DLC1: variants seen among roughly 807,000 people sequenced by gnomAD.
The protein encoded by DLC1 is DLC1 Rho GTPase activating protein.
DLC1 carries 54 observed loss-of-function variants against 140.3 expected under a neutral mutation model. The observed-to-expected ratio is 0.38, with a 90% CI of 0.31 to 0.48. DLC1 has a LOEUF of 0.48. Ranked by LOEUF, DLC1 falls within the 20% of genes least tolerant of loss-of-function variation. DLC1 has a pLI of 0.96. For missense variants in DLC1, 2,536 were observed against 1,907.0 expected, an observed-to-expected ratio of 1.33 and a Z score of -6.14; for synonymous variants, 986 against 728.1, an observed-to-expected ratio of 1.35 and a Z score of -5.70.
At chr8:13,480,036 C>T (rs1048103775) in intron 2 of DLC1, among the ~76,000 whole-genome samples, 3 of 151,932 alleles carry the variant, frequency 2.0e-5, no homozygotes, top group Admixed American at 6.6e-5. Context: ...ACTTGCAGTC[C>T]GACCTGAGTG....
chr8:13,292,642 A>T (rs1478205269), intron 5 of DLC1, among the ~76,000 whole-genome samples: 4 of 152,140 alleles, frequency 2.6e-5, no homozygotes, highest in African/African-American at 9.7e-5. Context: ...TTAAAAAAAA[A>T]CACAGACATG....
chr8:13,107,433 GT>G (rs1450997734), intron 7 of DLC1, among the ~76,000 whole-genome samples: 7 of 152,140 alleles, frequency 4.6e-5, no homozygotes, highest in African/African-American at 2.4e-5. Flanking sequence ...GAGGAGGTAG[GT>G]GGGAAAGATT....
rs1461897724 is a variant in DLC1, at chr8:13,413,255, G to GT, written c.1024-11637_1024-11636insA. ...TTAAAACATTATGAGATTTTTTTGC[G>GT]ATTTTTTTTTTTTTTTTTTTTTAGC... is the stretch of plus-strand genomic sequence containing the variant. On this transcript the variant is annotated intron_variant, in intron 2 of 17. Transcript: ENST00000276297. Among the ~76,000 whole-genome samples, 213 of 30,132 alleles carry GT rather than the reference G, an allele frequency of 7.1e-3. 6 individuals are homozygous for GT. The highest frequency in any genetic ancestry group is 0.047 in the South Asian group (30 of 636). The allele number at this position is 30,132 out of a possible 152,430, so 19.8% of individuals were successfully genotyped here.
At chr8:13,447,865 C>G (rs1798853449) in intron 2 of DLC1, among the ~76,000 whole-genome samples, 1 of 151,976 alleles carries the variant, frequency 6.6e-6, no homozygotes, top group Non-Finnish European at 1.5e-5. Flanking sequence ...AAACTGTTCT[C>G]AAACATAAAA....
intron 4 of DLC1, among the ~76,000 whole-genome samples, chr8:13,356,551 T>C (rs1222487199): frequency 6.6e-6 from 1 of 152,256 alleles, no homozygotes; most frequent in East Asian, 1.9e-4. Context: ...TGGTAATTCC[T>C]TTCTTTCTGT....
intron 5 of DLC1, among the ~76,000 whole-genome samples, chr8:13,280,515 A>T (rs1255680879): frequency 6.6e-6 from 1 of 152,168 alleles, no homozygotes; most frequent in Admixed American, 6.5e-5. Context: ...TTTTCCATAT[A>T]AGAAAATCAT....
chr8:13,428,452 G>A (rs1838701240), intron 2 of DLC1, among the ~76,000 whole-genome samples: 1 of 152,102 alleles, frequency 6.6e-6, no homozygotes, highest in Admixed American at 6.6e-5. Flanking sequence ...GAATCATTAT[G>A]ATATCTGTTA....
intron 4 of DLC1, among the ~76,000 whole-genome samples, chr8:13,371,971 T>C (rs1258510648): frequency 6.6e-6 from 1 of 152,182 alleles, no homozygotes; most frequent in Non-Finnish European, 1.5e-5. Context: ...ATAAAAACTG[T>C]GGCTCTATAA....
intron 4 of DLC1, among the ~76,000 whole-genome samples, chr8:13,322,558 C>A (rs546011631): frequency 2.0e-5 from 3 of 152,196 alleles, no homozygotes; most frequent in African/African-American, 4.8e-5. Flanking sequence ...AGTCCTATAA[C>A]CTTAAGAAGG....
chr8:13,222,479 T>G (rs1020292120), intron 5 of DLC1, among the ~76,000 whole-genome samples: 16 of 152,186 alleles, frequency 1.1e-4, no homozygotes, highest in Admixed American at 9.8e-4. Context: ...GTTTTTTTCT[T>G]TTGATTTTCC....
intron 4 of DLC1, among the ~76,000 whole-genome samples, chr8:13,350,302 AT>A (rs111766759): frequency 0.07 from 10,260 of 145,640 alleles, 442 homozygotes; most frequent in South Asian, 0.16. Context: ...CAGGTTTATC[AT>A]TTTTTTTTTT....
intron 2 of DLC1, among the ~76,000 whole-genome samples, chr8:13,413,123 G>T (rs1837865123): frequency 6.6e-6 from 1 of 151,900 alleles, no homozygotes; most frequent in Admixed American, 6.6e-5. Context: ...GTTCTATAGA[G>T]AGTTTGCTAA....
chr8:13,569,956 G>C (rs1057375999), intron 1 of DLC1, among the ~76,000 whole-genome samples: 1 of 152,148 alleles, frequency 6.6e-6, no homozygotes, highest in Non-Finnish European at 1.5e-5. Flanking sequence ...GAATTCCTGA[G>C]CTCAAGCAAT....
At chr8:13,377,144 C>G (rs917437320) in intron 4 of DLC1, among the ~76,000 whole-genome samples, 2 of 152,074 alleles carry the variant, frequency 1.3e-5, no homozygotes, top group African/African-American at 4.8e-5. Context: ...GGTATCCACT[C>G]AGTTGTGAAT....
chr8:13,406,181 G>GTTTTTTTTTTTTTTTTTTTT (rs77753653), intron 2 of DLC1, among the ~76,000 whole-genome samples: 1 of 84,960 alleles, frequency 1.2e-5, no homozygotes, highest in African/African-American at 4.8e-5. Flanking sequence ...TAATTTTTGT[G>GTTTTTTTTTTTTTTTTTTTT]TTTTTTTTTT....
chr8:13,143,813 T>TGAGAGAGA (rs35079610), intron 5 of DLC1, among the ~76,000 whole-genome samples: 12,939 of 128,460 alleles, frequency 0.1, 905 homozygotes, highest in Non-Finnish European at 0.14. Flanking sequence ...AATGAAAAGC[T>TGAGAGAGA]GAGAGAGAGA....
At chr8:13,515,465 T>A (rs561940420), upstream of DLC1, 2 of 152,190 alleles carry the variant, frequency 1.3e-5, no homozygotes, top group Non-Finnish European at 2.9e-5. Flanking sequence ...TTACCTCTAG[T>A]CAGAATCCTC....
intron 1 of DLC1, among the ~76,000 whole-genome samples, chr8:13,575,301 C>T (rs1319900840): frequency 1.3e-5 from 2 of 152,038 alleles, no homozygotes; most frequent in Admixed American, 6.6e-5. Flanking sequence ...CACATATGCA[C>T]TGAGAGAGTA....
At chr8:13,195,825 C>A (rs2117044814) in intron 5 of DLC1, among the ~76,000 whole-genome samples, 1 of 152,208 alleles carries the variant, frequency 6.6e-6, no homozygotes, top group Admixed American at 6.5e-5. Context: ...CAGCACTATC[C>A]TTCTCTTGGA....
Sources: allele counts gnomAD v4.1 joint callset (sites outside exome capture counted in the v4.1 genomes callset), GRCh38; gene constraint gnomAD v4.1.1; transcripts MANE v1.5; gene names NCBI Gene and HGNC (gene_info 2026-07-23, HGNC 2026-07-21).